Variants in TOP1 observed in about 807,000 individuals in gnomAD.
TOP1 encodes DNA topoisomerase 1.
TOP1 carries 10 observed loss-of-function variants against 111.1 expected under a neutral mutation model. The ratio of observed to expected loss-of-function variants is 0.09; its 90% CI spans 0.06 to 0.15. The LOEUF (loss-of-function observed/expected upper bound fraction) is 0.15, where lower values mean the gene tolerates loss of function less well. Ranked by LOEUF, TOP1 falls within the 10% of genes least tolerant of loss-of-function variation. The pLI is 1.00. For synonymous variants in TOP1, 271 were observed against 302.9 expected, an observed-to-expected ratio of 0.89 and a Z score of 1.10; for missense variants, 474 against 926.7, an observed-to-expected ratio of 0.51 and a Z score of 6.34.
chr20:41,051,248 A>G (rs1230692023), intron 2 of TOP1, among the ~76,000 whole-genome samples: 1 of 152,208 alleles, frequency 6.6e-6, no homozygotes, highest in Non-Finnish European at 1.5e-5. Flanking sequence ...AGCCCATCAT[A>G]TTATACAGCT....
At position 41,114,313 on chromosome 20, in the gene TOP1, C is replaced by G. The variant is rs1287605221; in HGVS notation, c.1638+158C>G. ...CCTGTAGACCCAGCTATTCAGAAGG[C>G]TGAGACAGGAGGATCACTGGAGACC... On this transcript the variant is annotated intron_variant, in intron 15 of 20. Transcript: ENST00000361337. This position sits in a 1 kb window ranked among gnomAD's most constrained non-coding sequence, Gnocchi z 4.5. 6.6e-6 allele frequency among the ~76,000 whole-genome samples: 1 copy of G among 152,252 alleles called. No homozygotes were observed. Among genetic ancestry groups the G allele is most frequent in the African/African-American group, 2.4e-5 (1 of 41,466 alleles).
intron 3 of TOP1, among the ~76,000 whole-genome samples, chr20:41,066,640 C>T (rs1232010484): frequency 2.7e-5 from 4 of 150,566 alleles, no homozygotes; most frequent in African/African-American, 4.9e-5. Context: ...CTGCATCCTC[C>T]GCCTCCCGGG....
intron 2 of TOP1, among the ~76,000 whole-genome samples, chr20:41,045,202 T>C (rs1385561580): frequency 1.3e-5 from 2 of 152,176 alleles, no homozygotes; most frequent in Non-Finnish European, 2.9e-5. Flanking sequence ...GGCTACCATA[T>C]TGGACAGCTC....
At chr20:41,035,206 T>C (rs985200305) in intron 2 of TOP1, among the ~76,000 whole-genome samples, 6 of 152,194 alleles carry the variant, frequency 3.9e-5, no homozygotes, top group African/African-American at 1.4e-4. Flanking sequence ...TTGGTAGGTA[T>C]TCATTTTTCA....
In TOP1 at chr20:41,079,909, A is replaced by G. The variant is rs1166301786; in HGVS notation, c.336-176A>G. ...ATTCACCTGTACAATGAGGACAAAT[A>G]CTATCTACTTCACAGGATTGAAGTG... On this transcript the variant is annotated intron_variant, in intron 5 of 20. Coordinates refer to ENST00000361337, the MANE Select transcript of TOP1 (RefSeq NM_003286.4). The surrounding 1 kb of genome is among the most constrained non-coding windows in gnomAD (Gnocchi z 4.0). Among the ~76,000 whole-genome samples the G allele has an allele frequency of 6.6e-6, 1 of 152,254 alleles. No individual in the cohort carries two copies. The highest frequency in any genetic ancestry group is 1.9e-4 in the East Asian group (1 of 5,200).
In TOP1 at chr20:41,058,152, A is replaced by G. The variant is rs771636841; in HGVS notation, c.59-3242A>G. Reference sequence around the variant, plus strand: ...TAGTACTACGGTCATGCAGATTTCTATTTTCCCAGGGCCTGACACAGAATA... The same window carrying G: ...TAGTACTACGGTCATGCAGATTTCTGTTTTCCCAGGGCCTGACACAGAATA... On this transcript the variant is annotated intron_variant, in intron 2 of 20. Coordinates refer to ENST00000361337, the MANE Select transcript of TOP1 (RefSeq NM_003286.4). The surrounding 1 kb of genome is among the most constrained non-coding windows in gnomAD (Gnocchi z 4.2). Among the ~76,000 whole-genome samples, 35 of 152,038 alleles carry G rather than the reference A, an allele frequency of 2.3e-4. No homozygotes were observed. The highest frequency in any genetic ancestry group is 3.4e-3 in the Middle Eastern group (1 of 294).
intron 3 of TOP1, among the ~76,000 whole-genome samples, chr20:41,068,358 T>C (rs766616263): frequency 7.2e-5 from 11 of 152,198 alleles, no homozygotes; most frequent in Non-Finnish European, 1.2e-4. Context: ...TCATCACTTA[T>C]CTCTTGACAC....
Position 41,097,934 on chromosome 20 carries a change from C to T in TOP1, c.853-281C>T, listed in dbSNP as rs981939376. Among the ~76,000 whole-genome samples, 4 of 152,114 alleles carry T rather than the reference C, an allele frequency of 2.6e-5. No individual in the cohort carries two copies. Among genetic ancestry groups the T allele is most frequent in the African/African-American group, 9.7e-5 (4 of 41,418 alleles). On this transcript the variant is annotated intron_variant, in intron 10 of 20. Coordinates refer to ENST00000361337, the MANE Select transcript of TOP1 (RefSeq NM_003286.4). The surrounding 1 kb of genome is among the most constrained non-coding windows in gnomAD (Gnocchi z 4.2). ...GGATTTCAAACTTGTATTCATAATG[C>T]CTGGGGGCTGTGTGCCACGGAGTCT... is the stretch of plus-strand genomic sequence containing the variant.
chr20:41,119,982 T>C (rs1055163440), intron 18 of TOP1, among the ~76,000 whole-genome samples: 1 of 152,232 alleles, frequency 6.6e-6, no homozygotes, highest in African/African-American at 2.4e-5. Context: ...TTTGTTGCTC[T>C]CGCTCTGGAA....
chr20:41,094,064 TAATAAATA>T lies in TOP1; in HGVS notation c.730+1488_730+1495del, dbSNP rs779931442. ...TGAGACCCTGTCTCAAAAAATAAAA[TAATAAATA>T]AATAAATAAAACATATTTATTGAAT... On this transcript the variant is annotated intron_variant, in intron 9 of 20. Coordinates refer to ENST00000361337, the MANE Select transcript of TOP1 (RefSeq NM_003286.4). The surrounding 1 kb of genome is among the most constrained non-coding windows in gnomAD (Gnocchi z 4.4). Among the ~76,000 whole-genome samples the T allele has an allele frequency of 6.6e-6, 1 of 151,872 alleles. No individual in the cohort carries two copies. Among genetic ancestry groups the T allele is most frequent in the Non-Finnish European group, 1.5e-5 (1 of 67,970 alleles).
Position 41,092,570 on chromosome 20 carries a change from T to A in TOP1, c.713T>A (p.Val238Asp). Residue 238 changes from valine (V) to aspartate (D), a missense_variant, in exon 9 of 21, where the codon GTC (valine) becomes GAC (aspartate). By Grantham distance (152) the Val-to-Asp change is radical. This residue lies in a region of TOP1 where 84 missense variants were observed against 119.2 expected (regional missense o/e 0.70). Coordinates refer to ENST00000361337, the MANE Select transcript of TOP1 (RefSeq NM_003286.4). The surrounding 1 kb of genome is among the most constrained non-coding windows in gnomAD (Gnocchi z 4.3). ...APPYEPLPEN[V>D]KFYYDGKVMK... Reference sequence around the variant, plus strand: ...CCATATGAGCCTCTTCCAGAGAATGTCAAGTTTTATTATGATGGTGAGTTG... The same window carrying A: ...CCATATGAGCCTCTTCCAGAGAATGACAAGTTTTATTATGATGGTGAGTTG... The A allele has an allele frequency of 6.4e-7, 1 of 1,565,520 alleles. No individual in the cohort carries two copies. The highest frequency in any genetic ancestry group is 8.7e-7 in the Non-Finnish European group (1 of 1,148,216).
chr20:41,059,010 C>CT (rs2033509588), intron 2 of TOP1, among the ~76,000 whole-genome samples: 1 of 152,028 alleles, frequency 6.6e-6, no homozygotes, highest in African/African-American at 2.4e-5. Flanking sequence ...AGATTGTGTC[C>CT]TTTGCAGGAA....
intron 3 of TOP1, among the ~76,000 whole-genome samples, chr20:41,062,366 G>C (rs1054696565): frequency 1.3e-5 from 2 of 152,170 alleles, no homozygotes; most frequent in Non-Finnish European, 2.9e-5. Flanking sequence ...TTCTAAGTCT[G>C]TTCTTTTTCG....
chr20:41,054,000 T>C (rs1183167135), intron 2 of TOP1, among the ~76,000 whole-genome samples: 2 of 152,172 alleles, frequency 1.3e-5, no homozygotes, highest in South Asian at 2.1e-4. Context: ...TCAGAGATGG[T>C]AAAATGAGGC....
intron 2 of TOP1, among the ~76,000 whole-genome samples, chr20:41,035,287 GT>G (rs1379689951): frequency 1.3e-5 from 2 of 152,146 alleles, no homozygotes; most frequent in African/African-American, 4.8e-5. Context: ...TGTAATAAAT[GT>G]TTTAATTTAC....
intron 8 of TOP1, among the ~76,000 whole-genome samples, chr20:41,091,376 G>A (rs963895747): frequency 6.6e-6 from 1 of 151,982 alleles, no homozygotes; most frequent in Admixed American, 6.6e-5. Context: ...TATGGACTGG[G>A]AATTAGAATT....
At position 41,123,171 on chromosome 20, in the gene TOP1, C is replaced by G. The variant is rs749197943; in HGVS notation, c.2196-24C>G. 1.1e-5 allele frequency: 17 copies of G among 1,560,652 alleles called. No homozygotes were observed. The stretch of plus-strand genomic sequence containing the variant: ...CCATTGCTGAGTCACCCTAATCCCC[C>G]CCTTATTTCTCCTTTGTTTGCAGGT... On this transcript the variant is annotated intron_variant, in intron 20 of 20. Coordinates refer to ENST00000361337, the MANE Select transcript of TOP1 (RefSeq NM_003286.4). This position sits in a 1 kb window ranked among gnomAD's most constrained non-coding sequence, Gnocchi z 5.8.
chr20:41,090,020 C>T (rs1477075934), intron 8 of TOP1, among the ~76,000 whole-genome samples: 4 of 152,126 alleles, frequency 2.6e-5, no homozygotes, highest in African/African-American at 9.7e-5. Flanking sequence ...GTCGCCCAGG[C>T]TGGAGTGCAG....
rs34282819 is a variant in TOP1 at position 41,028,985 on chromosome 20, C to G, written c.-83C>G. 9.5e-6 allele frequency: 12 copies of G among 1,258,876 alleles called. No homozygotes were observed. Among genetic ancestry groups the G allele is most frequent in the Non-Finnish European group, 1.3e-5 (12 of 901,090 alleles). 78.0% of individuals were successfully genotyped at this position (1,258,876 alleles called of 1,614,324 possible). A position where few individuals can be genotyped will look rare whatever the true frequency, so the allele number is the denominator to read the frequency against. On this transcript the variant is annotated 5_prime_UTR_variant, in exon 1 of 21. Coordinates refer to ENST00000361337, the MANE Select transcript of TOP1 (RefSeq NM_003286.4). ...CGCCTCCTCGAGCCTCCGGAGTCCC[C>G]GTCCGCCCGCACAGGCCGGTTCGCC...
Sources: gnomAD v4.1 joint callset for allele counts (sites outside exome capture counted in the v4.1 genomes callset) on GRCh38, gnomAD v4.1.1 for gene constraint, gnomAD v4.1.1 regional missense constraint, Gnocchi (gnomAD v3.1) non-coding constraint, MANE v1.5 for transcripts, NCBI Gene and HGNC (gene_info 2026-07-23, HGNC 2026-07-21) for gene names.